AFG1L: variants seen among roughly 807,000 people sequenced by gnomAD.
AFG1L encodes AFG1 like ATPase, also known as AFG1-like ATPase.
Under a neutral mutation model 62.2 loss-of-function variants are expected in AFG1L, and 53 were observed. The ratio of observed to expected loss-of-function variants is 0.85; its 90% confidence interval spans 0.68 to 1.07. The LOEUF (loss-of-function observed/expected upper bound fraction) is 1.07. Among genes scored for constraint, AFG1L ranks in the 50% least tolerant of loss-of-function variants. AFG1L has a pLI of 0.00. For missense variants in AFG1L, 555 were observed against 590.5 expected (o/e 0.94, Z 0.62); for synonymous variants, 228 against 210.3 (o/e 1.08, Z -0.73).
chr6:108,410,667 G>GA (rs1191550758), intron 7 of AFG1L, among the ~76,000 whole-genome samples: 1 of 152,130 alleles, frequency 6.6e-6, no homozygotes, highest in Non-Finnish European at 1.5e-5. Context: ...ATTGTGGTAA[G>GA]AAAATATTGG....
At chr6:108,424,960 G>GA (rs2114698253) in intron 7 of AFG1L, among the ~76,000 whole-genome samples, 1 of 152,230 alleles carries the variant, frequency 6.6e-6, no homozygotes, top group South Asian at 2.1e-4. Context: ...ATGAAATGGA[G>GA]ATTTCCTAAG....
chr6:108,360,952 G>A (rs1240857395), intron 5 of AFG1L, among the ~76,000 whole-genome samples: 1 of 152,230 alleles, frequency 6.6e-6, no homozygotes, highest in African/African-American at 2.4e-5. Flanking sequence ...GCACAGAGTG[G>A]TCCCTCTGTT....
chr6:108,325,470 G>T (rs1778004102), intron 2 of AFG1L, among the ~76,000 whole-genome samples: 1 of 150,120 alleles, frequency 6.7e-6, no homozygotes, highest in Admixed American at 6.7e-5. Context: ...ATTCCTGCAT[G>T]GATGTGACTA....
intron 1 of AFG1L, among the ~76,000 whole-genome samples, chr6:108,312,544 G>A (rs578003160): frequency 6.6e-6 from 1 of 152,176 alleles, no homozygotes; most frequent in East Asian, 1.9e-4. Context: ...GACGAAGAGA[G>A]AGACCTTGTC....
At chr6:108,322,335 A>G (rs1777844619) in intron 1 of AFG1L, among the ~76,000 whole-genome samples, 1 of 152,194 alleles carries the variant, frequency 6.6e-6, no homozygotes, top group Admixed American at 6.5e-5. Context: ...TTCTGTGTGC[A>G]TCTCATTGCC....
At chr6:108,373,480 A>G (rs1475907660) in intron 6 of AFG1L, among the ~76,000 whole-genome samples, 1 of 152,096 alleles carries the variant, frequency 6.6e-6, no homozygotes, top group Non-Finnish European at 1.5e-5. Context: ...GCTATTGTGA[A>G]TAGTGCTGTG....
At chr6:108,335,351 T>A (rs1330279219) in intron 2 of AFG1L, among the ~76,000 whole-genome samples, 1 of 152,198 alleles carries the variant, frequency 6.6e-6, no homozygotes, top group Non-Finnish European at 1.5e-5. Flanking sequence ...ACTCAATTCA[T>A]GTTTGTGGAA....
chr6:108,499,418 A>G (rs1445640872), intron 10 of AFG1L, among the ~76,000 whole-genome samples: 1 of 151,942 alleles, frequency 6.6e-6, no homozygotes, highest in East Asian at 2.0e-4. Context: ...AATGGGATAA[A>G]TGAAATTCCT....
intron 11 of AFG1L, among the ~76,000 whole-genome samples, chr6:108,515,858 G>A (rs913946526): frequency 1.3e-4 from 20 of 152,176 alleles, no homozygotes; most frequent in African/African-American, 4.8e-4. Flanking sequence ...TACCATCAGA[G>A]AATACTATAA....
intron 8 of AFG1L, among the ~76,000 whole-genome samples, chr6:108,450,860 C>A (rs1772024698): frequency 6.6e-6 from 1 of 151,698 alleles, no homozygotes; most frequent in African/African-American, 2.4e-5. Context: ...ATAGGGAATC[C>A]TTTCCCCATT....
chr6:108,516,813 A>C (rs1774915099), intron 11 of AFG1L, among the ~76,000 whole-genome samples: 1 of 152,346 alleles, frequency 6.6e-6, no homozygotes, highest in South Asian at 2.1e-4. Flanking sequence ...GTCTCAGGAT[A>C]CAAAATCAAT....
At chr6:108,325,436 GC>G (rs1252721483) in intron 2 of AFG1L, among the ~76,000 whole-genome samples, 1 of 103,728 alleles carries the variant, frequency 9.6e-6, no homozygotes, top group African/African-American at 3.6e-5. Flanking sequence ...GGGCTGTTTT[GC>G]CTTTTTTTTT....
At chr6:108,449,521 C>A (rs1771966025) in intron 8 of AFG1L, among the ~76,000 whole-genome samples, 1 of 151,966 alleles carries the variant, frequency 6.6e-6, no homozygotes, top group African/African-American at 2.4e-5. Flanking sequence ...TTGGGTAGAA[C>A]TTCTTTCATG....
rs757907525 is a variant in AFG1L, at chr6:108,477,271, A to G, written c.1041A>G (p.Thr347=). Residue 347 remains threonine, a synonymous_variant, in exon 10 of 13, where the codon ACA becomes ACG. Transcript: ENST00000368977. ...NKACGTVADC[T]FEELCERPLG... is the part of the protein sequence containing the mutation. Reference sequence around the variant, plus strand: ...CCTGTGGAACCGTTGCCGACTGCACATTTGAAGAGCTGTGTGAGAGAGTAA... The same window carrying G: ...CCTGTGGAACCGTTGCCGACTGCACGTTTGAAGAGCTGTGTGAGAGAGTAA... 2 of 1,608,214 alleles carry G rather than the reference A, an allele frequency of 1.2e-6. No homozygotes were observed. The highest frequency in any genetic ancestry group is 2.2e-5 in the South Asian group (2 of 90,640).
rs1200615792 is a variant in AFG1L at position 108,295,097 on chromosome 6, G to T, written c.18G>T (p.Ser6=). The T allele has an allele frequency of 3.1e-6, 5 of 1,611,232 alleles. No individual in the cohort carries two copies. The highest frequency in any genetic ancestry group is 3.4e-6 in the Non-Finnish European group (4 of 1,179,986). The part of the protein sequence containing the change: MAASW[S]LLVTLRPLAQ... ...AGTTCAAGATGGCGGCCTCCTGGTCGCTCTTGGTTACCCTGCGCCCCTTAG... is the reference window on the plus strand; with the variant it reads ...AGTTCAAGATGGCGGCCTCCTGGTCTCTCTTGGTTACCCTGCGCCCCTTAG... Residue 6 remains serine, a synonymous_variant, in exon 1 of 13, where the codon TCG becomes TCT. Transcript: ENST00000368977.
chr6:108,447,341 A>G, intron 8 of AFG1L, 45 bp downstream of exon 8: 1 of 1,127,810 alleles, frequency 8.9e-7, no homozygotes, highest in Non-Finnish European at 1.3e-6. Context: ...ATCGTTAATC[A>G]GAAAAAGAAC....
intron 2 of AFG1L, among the ~76,000 whole-genome samples, chr6:108,336,720 T>C (rs1778490756): frequency 6.6e-6 from 1 of 152,172 alleles, no homozygotes; most frequent in African/African-American, 2.4e-5. Flanking sequence ...TTTTGTTCTG[T>C]TTTTTTCCAA....
chr6:108,417,360 A>G (rs1770365048), intron 7 of AFG1L, among the ~76,000 whole-genome samples: 1 of 152,072 alleles, frequency 6.6e-6, no homozygotes, highest in South Asian at 2.1e-4. Flanking sequence ...TGGAGGAGGT[A>G]GCACATGTCA....
chr6:108,363,758 A>C (rs566088069), intron 5 of AFG1L, among the ~76,000 whole-genome samples: 1 of 152,046 alleles, frequency 6.6e-6, no homozygotes, highest in Non-Finnish European at 1.5e-5. Flanking sequence ...ATTCTCCTCT[A>C]TCAGCTATCA....
Sources: gnomAD v4.1 joint callset for allele counts (sites outside exome capture counted in the v4.1 genomes callset) on GRCh38, gnomAD v4.1.1 for gene constraint, MANE v1.5 for transcripts, NCBI Gene and HGNC (gene_info 2026-07-23, HGNC 2026-07-21) for gene names.